The following PRKG1 variants were observed in gnomAD, a reference collection of about 807,000 sequenced individuals.
PRKG1 encodes the protein cGMP-dependent protein kinase 1.
Under a neutral mutation model 88.1 loss-of-function variants are expected in PRKG1, and 35 were observed. The ratio of observed to expected loss-of-function variants is 0.40; its 90% CI spans 0.30 to 0.53. The LOEUF (loss-of-function observed/expected upper bound fraction) is 0.53, where lower values mean the gene tolerates loss of function less well. Among genes scored for constraint, PRKG1 ranks in the 20% least tolerant of loss-of-function variants. The pLI is 0.59. For synonymous variants in PRKG1, 303 were observed against 292.5 expected, an observed-to-expected ratio of 1.04 and a Z score of -0.37; for missense variants, 540 against 839.8, an observed-to-expected ratio of 0.64 and a Z score of 4.41.
intron 3 of PRKG1, among the ~76,000 whole-genome samples, chr10:51,748,774 T>C (rs1837643607): frequency 6.6e-6 from 1 of 152,232 alleles, no homozygotes; most frequent in Admixed American, 6.5e-5. Context: ...TGCAGATTTA[T>C]AAACTTACAA....
intron 3 of PRKG1, among the ~76,000 whole-genome samples, chr10:51,694,987 C>T (rs566713865): frequency 5.3e-5 from 8 of 152,054 alleles, no homozygotes; most frequent in Non-Finnish European, 8.8e-5. Context: ...TGTTATAGCT[C>T]ATTTGTTCTG....
At chr10:51,939,725 A>G (rs1454128816) in intron 5 of PRKG1, among the ~76,000 whole-genome samples, 1 of 151,920 alleles carries the variant, frequency 6.6e-6, no homozygotes, top group Admixed American at 6.6e-5. Flanking sequence ...GCCATGAAAC[A>G]GCATTTTAAC....
intron 3 of PRKG1, among the ~76,000 whole-genome samples, chr10:51,720,928 G>T (rs533892008): frequency 3.3e-5 from 5 of 152,150 alleles, no homozygotes; most frequent in South Asian, 2.1e-4. Flanking sequence ...ATGGCTGGGG[G>T]TGTTGGCTCA....
chr10:51,999,055 T>C (rs1844526334), intron 5 of PRKG1, among the ~76,000 whole-genome samples: 1 of 152,234 alleles, frequency 6.6e-6, no homozygotes, highest in East Asian at 1.9e-4. Flanking sequence ...ACCTCTGTTT[T>C]TTGGGGTTTA....
intron 3 of PRKG1, among the ~76,000 whole-genome samples, chr10:51,622,402 G>A (rs185861652): frequency 3.3e-5 from 5 of 152,230 alleles, no homozygotes; most frequent in Admixed American, 3.3e-4. Context: ...ATATCGAGGA[G>A]GAATCTTTGT....
At chr10:52,188,095 C>A (rs1839244391) in intron 9 of PRKG1, among the ~76,000 whole-genome samples, 1 of 151,546 alleles carries the variant, frequency 6.6e-6, no homozygotes, top group Non-Finnish European at 1.5e-5. Context: ...TGATGACTAG[C>A]ATTTTTATTA....
chr10:51,296,971 G>C (rs2132231751), intron 2 of PRKG1, among the ~76,000 whole-genome samples: 1 of 152,108 alleles, frequency 6.6e-6, no homozygotes, highest in Non-Finnish European at 1.5e-5. Context: ...AACAGTGAAG[G>C]GGTTATTTCA....
At chr10:51,978,097 T>C (rs760303115) in intron 5 of PRKG1, among the ~76,000 whole-genome samples, 3 of 152,088 alleles carry the variant, frequency 2.0e-5, no homozygotes, top group Non-Finnish European at 4.4e-5. Context: ...TTTTTTATAG[T>C]TTTGAGTTTT....
chr10:52,229,037 T>C (rs565003508), intron 9 of PRKG1, among the ~76,000 whole-genome samples: 1 of 152,358 alleles, frequency 6.6e-6, no homozygotes, highest in East Asian at 1.9e-4. Context: ...GATGAAATGT[T>C]GCAAATATGC....
chr10:52,228,495 TG>T (rs1186595363), intron 9 of PRKG1, among the ~76,000 whole-genome samples: 1 of 152,182 alleles, frequency 6.6e-6, no homozygotes, highest in Non-Finnish European at 1.5e-5. Context: ...AAATTTAGCC[TG>T]GGAATGAGAG....
At chr10:51,850,489 T>TTATATATATA (rs141736837) in intron 4 of PRKG1, among the ~76,000 whole-genome samples, 56 of 143,658 alleles carry the variant, frequency 3.9e-4, no homozygotes, top group African/African-American at 1.3e-3. Flanking sequence ...TGTTGCAATT[T>TTATATATATA]TATATATATA....
intron 2 of PRKG1, among the ~76,000 whole-genome samples, chr10:51,351,432 C>T (rs929498891): frequency 5.3e-5 from 8 of 152,004 alleles, no homozygotes; most frequent in Non-Finnish European, 1.0e-4. Flanking sequence ...TGTTTCCTGA[C>T]TTTAATGATC....
intron 3 of PRKG1, among the ~76,000 whole-genome samples, chr10:51,551,162 C>T (rs1022656737): frequency 2.0e-5 from 3 of 151,776 alleles, no homozygotes; most frequent in African/African-American, 7.2e-5. Flanking sequence ...ATTTAACTTG[C>T]AACCAACATG....
chr10:51,503,435 T>A (rs1841094843), intron 3 of PRKG1, among the ~76,000 whole-genome samples: 1 of 152,204 alleles, frequency 6.6e-6, no homozygotes, highest in African/African-American at 2.4e-5. Flanking sequence ...TGTAAAATGC[T>A]GGTTTGTTTG....
chr10:51,212,908 G>A (rs956171753), intron 2 of PRKG1, among the ~76,000 whole-genome samples: 95 of 152,278 alleles, frequency 6.2e-4, no homozygotes, highest in African/African-American at 1.5e-3. Context: ...TCAGTGTGGC[G>A]ATTCCTCAGG....
At chr10:51,997,614 AATAC>A (rs1293896175) in intron 5 of PRKG1, among the ~76,000 whole-genome samples, 8 of 152,190 alleles carry the variant, frequency 5.3e-5, no homozygotes, top group African/African-American at 1.4e-4. Flanking sequence ...ATTGTGAAAT[AATAC>A]ATACATTAGT....
intron 7 of PRKG1, among the ~76,000 whole-genome samples, chr10:52,099,631 C>T (rs918288628): frequency 1.3e-5 from 2 of 152,062 alleles, no homozygotes; most frequent in African/African-American, 4.8e-5. Flanking sequence ...ACAGTGGGTT[C>T]AAAGTATAAA....
intron 3 of PRKG1, chr10:51,698,855 T>G (rs1250465211): frequency 6.2e-7 from 1 of 1,614,060 alleles, no homozygotes; most frequent in Non-Finnish European, 8.5e-7. Context: ...TGGAGGATTC[T>G]GCTGGTTCAG....
intron 9 of PRKG1, among the ~76,000 whole-genome samples, chr10:52,215,527 T>A (rs1840089774): frequency 6.6e-6 from 1 of 152,088 alleles, no homozygotes; most frequent in African/African-American, 2.4e-5. Flanking sequence ...GCATCTCAGG[T>A]CAGTGTACTT....
Sources: gnomAD v4.1 joint callset for allele counts (sites outside exome capture counted in the v4.1 genomes callset) on GRCh38, gnomAD v4.1.1 for gene constraint, MANE v1.5 for transcripts, NCBI Gene and HGNC (gene_info 2026-07-23, HGNC 2026-07-21) for gene names.